Variants in MEIS3 observed in about 807,000 individuals in gnomAD.
MEIS3 encodes homeobox protein Meis3.
MEIS3 carries 38 observed loss-of-function variants against 51.4 expected under a neutral mutation model. The ratio of observed to expected loss-of-function variants is 0.74; its 90% CI spans 0.57 to 0.97. The LOEUF (loss-of-function observed/expected upper bound fraction) is 0.97, where lower values mean the gene tolerates loss of function less well. Among genes scored for constraint, MEIS3 ranks in the 50% least tolerant of loss-of-function variants. The pLI is 0.00. For synonymous variants in MEIS3, 198 were observed against 201.8 expected (o/e 0.98, Z 0.16); for missense variants, 456 against 502.6 (o/e 0.91, Z 0.89).
At chr19:47,413,873 A>G (rs373181662) in intron 6 of MEIS3, among the ~76,000 whole-genome samples, 4 of 148,394 alleles carry the variant, frequency 2.7e-5, no homozygotes, top group African/African-American at 9.9e-5. Flanking sequence ...GACTACAGGC[A>G]CCCGCCACCA....
chr19:47,420,525 GA>G (rs1971666019), upstream of MEIS3, among the ~76,000 whole-genome samples: 2 of 124,370 alleles, frequency 1.6e-5, no homozygotes, highest in Non-Finnish European at 3.3e-5. Flanking sequence ...GTGATTCAGA[GA>G]GAGAGAGAGA....
chr19:47,420,525 GAGAGAGAGAGAC>G (rs979400053), upstream of MEIS3, among the ~76,000 whole-genome samples: 8 of 124,370 alleles, frequency 6.4e-5, no homozygotes, highest in African/African-American at 3.1e-4. Context: ...GTGATTCAGA[GAGAGAGAGAGAC>G]AGAGACAGAC....
intron 6 of MEIS3, among the ~76,000 whole-genome samples, chr19:47,413,790 C>A (rs1401530609): frequency 6.7e-6 from 1 of 149,096 alleles, no homozygotes; most frequent in Non-Finnish European, 1.5e-5. Flanking sequence ...TGCAGTGGTG[C>A]GATCCTGGCT....
At chr19:47,417,382 C>A in intron 1 of MEIS3, 32 bp from the exon 2 acceptor site, 1 of 1,612,642 alleles carries the variant, frequency 6.2e-7, no homozygotes, top group Middle Eastern at 1.7e-4. Context: ...AGGGCGGAGC[C>A]CCAGGGAGGG....
rs548411750 is a variant in MEIS3, at chr19:47,416,449, A to C, written c.396+203T>G. 5.4e-5 allele frequency: 29 copies of C among 533,342 alleles called. No individual in the cohort carries two copies. The South Asian group carries it at 8.3e-4, about 15-fold the overall frequency. The allele number at this position is 533,342 out of a possible 1,614,324, so 33.0% of individuals were successfully genotyped here. On this transcript the variant is annotated intron_variant, in intron 4 of 12. Transcript: ENST00000558555. Reference sequence around the variant, plus strand: ...CTGGGTCACAGAGCTGGTGAGTGGCAGAGCTGGGATTTGAACTCGGGCCAT... The same window carrying C: ...CTGGGTCACAGAGCTGGTGAGTGGCCGAGCTGGGATTTGAACTCGGGCCAT...
chr19:47,406,588 A>C, intron 11 of MEIS3, 62 bp from the exon 12 acceptor site: 1 of 1,501,142 alleles, frequency 6.7e-7, no homozygotes, highest in Non-Finnish European at 9.3e-7. Context: ...GATGCCTCTA[A>C]GTCTCCCTCA....
At chr19:47,420,938 ACACT>A (rs1384384082), upstream of MEIS3, among the ~76,000 whole-genome samples, 5 of 83,616 alleles carry the variant, frequency 6.0e-5, no homozygotes, top group East Asian at 1.0e-3. Flanking sequence ...ACACACACAC[ACACT>A]CTCTCTCTCT....
At position 47,409,232 on chromosome 19, in the gene MEIS3, G is replaced by A. The variant is rs145852963; in HGVS notation, c.725C>T (p.Thr242Ile). 1.3e-4 allele frequency: 216 copies of A among 1,612,192 alleles called. 1 individual carries two copies. The highest frequency in any genetic ancestry group is 1.8e-4 in the Non-Finnish European group (208 of 1,179,588). ...NSSDQGDGLD[T>I]SVASPSSGGE... Reference sequence around the variant, plus strand: ...ACCAGAACTGGGAGAGGCCACGCTGGTGTCCAGCCCGTCTCCTGAGGGAAG... The same window carrying A: ...ACCAGAACTGGGAGAGGCCACGCTGATGTCCAGCCCGTCTCCTGAGGGAAG... Residue 242 changes from threonine (T) to isoleucine (I), a missense_variant, in exon 8 of 13, where the codon ACC becomes ATC. Coordinates refer to ENST00000558555, the MANE Select transcript of MEIS3 (RefSeq NM_001301059.2).
chr19:47,412,592 T>C (rs544574506), intron 6 of MEIS3, among the ~76,000 whole-genome samples: 2 of 151,850 alleles, frequency 1.3e-5, no homozygotes, highest in South Asian at 4.2e-4. Context: ...GACAGAGTCT[T>C]GCCCTGTCAC....
chr19:47,406,850 G>A (rs760661280), intron 11 of MEIS3, 38 bp downstream of exon 11: 2 of 1,524,830 alleles, frequency 1.3e-6, no homozygotes, highest in South Asian at 1.2e-5. Flanking sequence ...GGGTCATGGT[G>A]CGCAGGGGCG....
intron 6 of MEIS3, among the ~76,000 whole-genome samples, chr19:47,410,452 C>CA (rs562672336): frequency 0.07 from 4,255 of 60,868 alleles, 139 homozygotes; most frequent in African/African-American, 0.15. Flanking sequence ...GACTACGTCT[C>CA]AAAAAAAAAA....
At chr19:47,405,131 C>G (rs900474488) in intron 12 of MEIS3, among the ~76,000 whole-genome samples, 1 of 152,234 alleles carries the variant, frequency 6.6e-6, no homozygotes, top group Non-Finnish European at 1.5e-5. Context: ...CAGGGTAGAC[C>G]TGTGCAAGTG....
At chr19:47,418,827 G>A in intron 1 of MEIS3, 1 of 388,196 alleles carries the variant, frequency 2.6e-6, no homozygotes, top group Admixed American at 4.5e-5. Flanking sequence ...GGACAGAGGG[G>A]CAGGGAGAAG....
chr19:47,412,008 T>C (rs895016604), intron 6 of MEIS3, among the ~76,000 whole-genome samples: 14 of 151,972 alleles, frequency 9.2e-5, no homozygotes, highest in South Asian at 6.3e-4. Flanking sequence ...TAATTTTTCT[T>C]ATTTTTTGTC....
At chr19:47,409,574 G>A (rs748241227) in intron 6 of MEIS3, 27 bp from the exon 7 acceptor site, 3 of 1,575,050 alleles carry the variant, frequency 1.9e-6, no homozygotes, top group Admixed American at 1.7e-5. Context: ...AGAAGTTAGT[G>A]CCAAGGCGGC....
Position 47,415,051 on chromosome 19 carries a change from C to T in MEIS3, c.447G>A (p.Lys149=), listed in dbSNP as rs983476995. The T allele has an allele frequency of 6.4e-7, 1 of 1,555,618 alleles. No individual in the cohort carries two copies. The highest frequency in any genetic ancestry group is 2.3e-5 in the East Asian group (1 of 42,716). Reference sequence around the variant, plus strand: ...GTGTGGGGAGGTGAGACGCGCTCACCTTCTCCAGCTCCAGCAGGTGGAACC... The same window carrying T: ...GTGTGGGGAGGTGAGACGCGCTCACTTTCTCCAGCTCCAGCAGGTGGAACC... ...VLRFHLLELE[K]VHDLCDNFCH... The change falls in exon 5 of 13, where the codon AAG becomes AAA. Residue 149 remains lysine, a splice_region_variant and synonymous_variant. Coordinates refer to ENST00000558555, the MANE Select transcript of MEIS3 (RefSeq NM_001301059.2).
In MEIS3 at chr19:47,410,542, A is replaced by G. The variant is rs146273924; in HGVS notation, c.598-995T>C. Among the ~76,000 whole-genome samples, 1,155 of 152,108 alleles carry G rather than the reference A, an allele frequency of 7.6e-3. 14 individuals carry two copies. Among genetic ancestry groups the G allele is most frequent in the African/African-American group, 0.026 (1,077 of 41,498 alleles). On this transcript the variant is annotated intron_variant, in intron 6 of 12. Coordinates refer to ENST00000558555, the MANE Select transcript of MEIS3 (RefSeq NM_001301059.2). ...ATCACTGTGGGAGGCCCAGGCGGGTAGATCACAAGGTCAGGAGATCGAGAC... is the reference window on the plus strand; with the variant it reads ...ATCACTGTGGGAGGCCCAGGCGGGTGGATCACAAGGTCAGGAGATCGAGAC...
chr19:47,407,225 G>A, intron 9 of MEIS3, 88 bp from the exon 10 acceptor site: 12 of 1,496,354 alleles, frequency 8.0e-6, no homozygotes, highest in Non-Finnish European at 9.9e-6. Flanking sequence ...GGAGGACAGC[G>A]GCGGGGGAGG....
upstream of MEIS3, chr19:47,419,672 G>A (rs11667194): frequency 0.65 from 96,296 of 148,904 alleles, 34,256 homozygotes; most frequent in Non-Finnish European, 0.81. Flanking sequence ...CAGGCTGTGG[G>A]GGGAGGAGAG....
Sources: gnomAD v4.1 joint callset for allele counts (sites outside exome capture counted in the v4.1 genomes callset) on GRCh38, gnomAD v4.1.1 for gene constraint, MANE v1.5 for transcripts, NCBI Gene and HGNC (gene_info 2026-07-23, HGNC 2026-07-21) for gene names.